The following MCC variants were observed in gnomAD, a reference collection of about 807,000 sequenced individuals.
MCC encodes MCC regulator of Wnt signaling pathway, also known as colorectal mutant cancer protein.
MCC carries 90 observed loss-of-function variants against 116.2 expected under a neutral mutation model. The ratio of observed to expected loss-of-function variants is 0.77; its 90% CI spans 0.65 to 0.92. The LOEUF is 0.92. Ranked by LOEUF, MCC falls within the 40% of genes least tolerant of loss-of-function variation. The probability of loss-of-function intolerance (pLI) is 0.00; values close to 1 mark genes in which losing one functional copy is unlikely to be tolerated. For missense variants in MCC, 1,516 were observed against 1,312.2 expected (o/e 1.16, Z -2.40); for synonymous variants, 578 against 510.5 (o/e 1.13, Z -1.78).
rs370204663 is a variant in MCC at position 113,463,829 on chromosome 5, G to C, written c.170+24416C>G. Among the ~76,000 whole-genome samples the C allele has an allele frequency of 5.2e-4, 79 of 152,274 alleles. No homozygotes were observed. In the Middle Eastern group the frequency reaches 0.014, roughly 26 times the overall value. ...GAGACGAAACGTAAATACCTAGAGA[G>C]AATGTCTGAGGTTAAAAGAGAAGTG... is the stretch of plus-strand genomic sequence containing the variant. On this transcript the variant is annotated intron_variant, in intron 1 of 18. Transcript: ENST00000408903.
chr5:113,275,064 GAAAGCCACAAAAACCT>G (rs908836997), intron 3 of MCC, among the ~76,000 whole-genome samples: 21 of 152,092 alleles, frequency 1.4e-4, no homozygotes, highest in African/African-American at 4.8e-4. Flanking sequence ...TTTACTTCCT[GAAAGCCACAAAAACCT>G]AAGACCATCC....
chr5:113,293,986 G>A (rs542568897), intron 3 of MCC, among the ~76,000 whole-genome samples: 2 of 152,272 alleles, frequency 1.3e-5, no homozygotes, highest in East Asian at 3.9e-4. Flanking sequence ...GTATTTTACC[G>A]ATCAGGGAAA....
chr5:113,280,929 G>A (rs991631547), intron 3 of MCC, among the ~76,000 whole-genome samples: 9 of 152,168 alleles, frequency 5.9e-5, no homozygotes, highest in Non-Finnish European at 1.0e-4. Flanking sequence ...GTGGGAGGTG[G>A]AAGAGCCTAG....
At chr5:113,142,365 T>A (rs1028791288) in intron 5 of MCC, among the ~76,000 whole-genome samples, 2 of 151,854 alleles carry the variant, frequency 1.3e-5, no homozygotes, top group African/African-American at 4.8e-5. Context: ...GCCAGGAACA[T>A]GAAAATGCTC....
In MCC at chr5:113,132,423, C is replaced by CACACATATATAT. The variant is rs1561384956; in HGVS notation, c.885-9598_885-9597insATATATATGTGT. ...ACATACATACATATATATATACACA[C>CACACATATATAT]ATACATATATATATATATATACACA... On this transcript the variant is annotated intron_variant, in intron 5 of 18. Coordinates refer to ENST00000408903, the MANE Select transcript of MCC (RefSeq NM_001085377.2). Among the ~76,000 whole-genome samples the CACACATATATAT allele has an allele frequency of 5.4e-5, 7 of 130,178 alleles. 1 individual carries two copies. The highest frequency in any genetic ancestry group is 2.2e-4 in the African/African-American group (7 of 31,610). The allele number at this position is 130,178 out of a possible 152,430, so 85.4% of individuals were successfully genotyped here. A position where few individuals can be genotyped will look rare whatever the true frequency, so the allele number is the denominator to read the frequency against.
chr5:113,336,814 CG>C (rs1767881584), intron 3 of MCC, among the ~76,000 whole-genome samples: 1 of 152,100 alleles, frequency 6.6e-6, no homozygotes, highest in South Asian at 2.1e-4. Context: ...GCATTGTGAA[CG>C]GTATGTTAAG....
chr5:113,105,762 C>A (rs560532872), intron 6 of MCC, among the ~76,000 whole-genome samples: 2 of 152,206 alleles, frequency 1.3e-5, no homozygotes, highest in South Asian at 2.1e-4. Context: ...CTACTCTCCA[C>A]GCGGTCACCA....
chr5:113,251,250 T>C (rs1764788682), intron 3 of MCC, among the ~76,000 whole-genome samples: 1 of 152,238 alleles, frequency 6.6e-6, no homozygotes, highest in African/African-American at 2.4e-5. Context: ...CCAAAAGGTA[T>C]TTTCTTCCAT....
intron 1 of MCC, among the ~76,000 whole-genome samples, chr5:113,470,548 T>C (rs1772056491): frequency 6.6e-6 from 1 of 152,204 alleles, no homozygotes; most frequent in Non-Finnish European, 1.5e-5. Context: ...TGCCGAGAGA[T>C]CAGCTGTTAG....
intron 1 of MCC, among the ~76,000 whole-genome samples, chr5:113,422,678 G>A (rs540581513): frequency 1.6e-4 from 25 of 152,250 alleles, no homozygotes; most frequent in African/African-American, 5.8e-4. Flanking sequence ...GTGGAATCTG[G>A]ACCTGGATGA....
At chr5:113,461,743 G>GT (rs1207891206) in intron 1 of MCC, among the ~76,000 whole-genome samples, 1 of 54,286 alleles carries the variant, frequency 1.8e-5, no homozygotes, top group African/African-American at 1.1e-4. Flanking sequence ...ACTTGCACCA[G>GT]TAAAAAAAAA....
intron 5 of MCC, among the ~76,000 whole-genome samples, chr5:113,129,205 G>C (rs1758278723): frequency 6.6e-6 from 1 of 152,142 alleles, no homozygotes; most frequent in Non-Finnish European, 1.5e-5. Flanking sequence ...GAGAGTTTAG[G>C]ATAGGAGCCC....
At chr5:113,145,996 A>G (rs7720994) in intron 4 of MCC, among the ~76,000 whole-genome samples, 151,546 of 152,322 alleles carry the variant, frequency 0.99, 75,392 homozygotes, top group Middle Eastern at 1. Flanking sequence ...AAAAAGACTC[A>G]ATGTATATTT....
chr5:113,384,920 A>AG (rs1769214511), intron 2 of MCC, 48 bp downstream of exon 2: 1 of 1,603,260 alleles, frequency 6.2e-7, no homozygotes, highest in African/African-American at 1.3e-5. Context: ...GAGAGATCAC[A>AG]GGCAAGGCCA....
chr5:113,363,761 C>T (rs550948963), intron 2 of MCC, among the ~76,000 whole-genome samples: 11 of 152,238 alleles, frequency 7.2e-5, no homozygotes, highest in East Asian at 3.9e-4. Flanking sequence ...CAATAGTCCC[C>T]GAAAGTCTTA....
At chr5:113,419,151 A>G (rs1770243864) in intron 1 of MCC, among the ~76,000 whole-genome samples, 1 of 151,502 alleles carries the variant, frequency 6.6e-6, no homozygotes, top group Non-Finnish European at 1.5e-5. Context: ...GGTGATAGGA[A>G]TATTCTTTTT....
At chr5:113,222,778 C>G (rs1195578702) in intron 3 of MCC, among the ~76,000 whole-genome samples, 1 of 152,108 alleles carries the variant, frequency 6.6e-6, no homozygotes, top group African/African-American at 2.4e-5. Flanking sequence ...GCAAAAGTGA[C>G]CAAGATACAA....
chr5:113,482,297 T>TA (rs1561595105), intron 1 of MCC, among the ~76,000 whole-genome samples: 1 of 152,226 alleles, frequency 6.6e-6, no homozygotes, highest in Admixed American at 6.5e-5. Context: ...GCTGGGGTCA[T>TA]ACGCCAATTC....
intron 8 of MCC, among the ~76,000 whole-genome samples, chr5:113,096,980 G>A (rs886685235): frequency 6.6e-6 from 1 of 152,128 alleles, no homozygotes; most frequent in African/African-American, 2.4e-5. Context: ...GCTGAGAGGA[G>A]CGGTGTTGAG....
Sources: allele counts gnomAD v4.1 joint callset (sites outside exome capture counted in the v4.1 genomes callset), GRCh38; gene constraint gnomAD v4.1.1; transcripts MANE v1.5; gene names NCBI Gene and HGNC (gene_info 2026-07-23, HGNC 2026-07-21).